The following GALNTL6 variants were observed in gnomAD, a reference collection of about 807,000 sequenced individuals.
GALNTL6 encodes the protein polypeptide N-acetylgalactosaminyltransferase like 6.
Under a neutral mutation model 73.7 loss-of-function variants are expected in GALNTL6, and 46 were observed. The observed-to-expected ratio is 0.62, with a 90% CI of 0.49 to 0.80. GALNTL6 has a LOEUF of 0.80. Among genes scored for constraint, GALNTL6 ranks in the 30% least tolerant of loss-of-function variants. The pLI, the probability that GALNTL6 is intolerant of heterozygous loss-of-function variation, is 0.00. For synonymous variants in GALNTL6, 259 were observed against 263.7 expected (o/e 0.98, Z 0.17); for missense variants, 604 against 755.0 (o/e 0.80, Z 2.34).
At chr4:172,566,788 G>T (rs1008589772) in intron 5 of GALNTL6, among the ~76,000 whole-genome samples, 23 of 151,566 alleles carry the variant, frequency 1.5e-4, no homozygotes, top group South Asian at 4.2e-4. Context: ...AGCTAGACTA[G>T]GAAAAAAAAA....
At chr4:172,790,656 C>G (rs1358986133) in intron 5 of GALNTL6, among the ~76,000 whole-genome samples, 1 of 150,902 alleles carries the variant, frequency 6.6e-6, no homozygotes, top group Non-Finnish European at 1.5e-5. Context: ...CTTTGGGAGG[C>G]CGAGGCAGGC....
chr4:173,008,045 C>A (rs1050890867), intron 10 of GALNTL6, among the ~76,000 whole-genome samples: 4 of 152,230 alleles, frequency 2.6e-5, no homozygotes, highest in Non-Finnish European at 5.9e-5. Context: ...ATAACACTGT[C>A]TTTCCTATTT....
At chr4:172,939,328 C>T (rs1748795539) in intron 9 of GALNTL6, among the ~76,000 whole-genome samples, 1 of 152,062 alleles carries the variant, frequency 6.6e-6, no homozygotes, top group Non-Finnish European at 1.5e-5. Context: ...AAATATAACA[C>T]CCTCTACTTA....
chr4:172,988,036 C>T (rs1751371925), intron 10 of GALNTL6, among the ~76,000 whole-genome samples: 1 of 151,996 alleles, frequency 6.6e-6, no homozygotes, highest in South Asian at 2.1e-4. Flanking sequence ...TATAAAGATA[C>T]CTGAAAATGT....
chr4:172,365,366 AT>A (rs1166805203), intron 5 of GALNTL6, among the ~76,000 whole-genome samples: 1 of 152,010 alleles, frequency 6.6e-6, no homozygotes, highest in Admixed American at 6.6e-5. Context: ...CGGAGATGTC[AT>A]TTGTGGTTCA....
chr4:172,533,339 T>TTTC (rs1735234430), intron 5 of GALNTL6, among the ~76,000 whole-genome samples: 1 of 144,150 alleles, frequency 6.9e-6, no homozygotes, highest in African/African-American at 2.6e-5. Flanking sequence ...TTTTTTTTTT[T>TTTC]TTTGAGATGG....
At chr4:172,406,678 G>C (rs1744248557) in intron 5 of GALNTL6, among the ~76,000 whole-genome samples, 1 of 151,866 alleles carries the variant, frequency 6.6e-6, no homozygotes, top group Non-Finnish European at 1.5e-5. Context: ...ATTTTCTAAT[G>C]GTCAGCCCAC....
In GALNTL6 at chr4:173,040,127, A is replaced by G; in HGVS notation, c.*27A>G. On this transcript the variant is annotated 3_prime_UTR_variant, in exon 13 of 13. Coordinates refer to ENST00000506823, the MANE Select transcript of GALNTL6 (RefSeq NM_001034845.3). ...AAGAAGAAAGGAAGAAAGAGTGATTACCTACAGGTTATAAATTAAATTTTA... is the reference window on the plus strand; with the variant it reads ...AAGAAGAAAGGAAGAAAGAGTGATTGCCTACAGGTTATAAATTAAATTTTA... 6.5e-7 allele frequency: 1 copy of G among 1,547,688 alleles called. No homozygotes were observed. Among genetic ancestry groups the G allele is most frequent in the Non-Finnish European group, 8.8e-7 (1 of 1,132,348 alleles).
At chr4:172,110,339 C>T (rs889885944) in intron 2 of GALNTL6, among the ~76,000 whole-genome samples, 1 of 152,048 alleles carries the variant, frequency 6.6e-6, no homozygotes, top group Non-Finnish European at 1.5e-5. Context: ...TAAAAATTAT[C>T]GGAGGCCATC....
intron 2 of GALNTL6, among the ~76,000 whole-genome samples, chr4:172,027,305 G>A (rs77339627): frequency 1.0e-3 from 157 of 152,228 alleles, no homozygotes; most frequent in Non-Finnish European, 2.1e-3. Context: ...AACAGCATGT[G>A]CCCACTTCAT....
chr4:172,666,046 A>G (rs1381978436), intron 5 of GALNTL6, among the ~76,000 whole-genome samples: 1 of 152,000 alleles, frequency 6.6e-6, no homozygotes, highest in Non-Finnish European at 1.5e-5. Flanking sequence ...TCACATTATG[A>G]TTCTTCAATT....
intron 5 of GALNTL6, among the ~76,000 whole-genome samples, chr4:172,569,804 T>A (rs988441779): frequency 1.3e-5 from 2 of 152,150 alleles, no homozygotes; most frequent in Non-Finnish European, 2.9e-5. Flanking sequence ...ATTGGAGACC[T>A]AAACGTGAAG....
At chr4:171,869,260 G>T (rs1736068370) in intron 2 of GALNTL6, among the ~76,000 whole-genome samples, 1 of 152,078 alleles carries the variant, frequency 6.6e-6, no homozygotes, top group African/African-American at 2.4e-5. Flanking sequence ...AGGAAGGAAA[G>T]AATCATGTCA....
At chr4:172,821,083 C>T (rs528703662) in intron 7 of GALNTL6, among the ~76,000 whole-genome samples, 89 of 152,274 alleles carry the variant, frequency 5.8e-4, no homozygotes, top group South Asian at 4.1e-3. Flanking sequence ...GTATGTAATA[C>T]GAAAACTAAC....
intron 2 of GALNTL6, among the ~76,000 whole-genome samples, chr4:172,197,910 C>A (rs924510790): frequency 6.6e-6 from 1 of 152,122 alleles, no homozygotes; most frequent in Non-Finnish European, 1.5e-5. Flanking sequence ...GAGATCGAGA[C>A]CATCCTGGCT....
chr4:172,849,962 A>T (rs1743726536), intron 7 of GALNTL6, among the ~76,000 whole-genome samples: 1 of 152,188 alleles, frequency 6.6e-6, no homozygotes, highest in Admixed American at 6.6e-5. Flanking sequence ...CTTGCTGGAA[A>T]GGTGCGACCT....
intron 5 of GALNTL6, among the ~76,000 whole-genome samples, chr4:172,702,299 T>C (rs886699189): frequency 4.6e-5 from 7 of 152,104 alleles, no homozygotes; most frequent in Non-Finnish European, 1.0e-4. Flanking sequence ...GGATACTCAA[T>C]ATTTATGCCT....
intron 5 of GALNTL6, among the ~76,000 whole-genome samples, chr4:172,385,527 T>G (rs535825666): frequency 2.0e-5 from 3 of 152,198 alleles, no homozygotes; most frequent in Admixed American, 6.5e-5. Flanking sequence ...TTATAAAATA[T>G]ATATATGTTT....
intron 5 of GALNTL6, among the ~76,000 whole-genome samples, chr4:172,410,840 A>G (rs1021232210): frequency 8.6e-5 from 13 of 152,046 alleles, no homozygotes; most frequent in Admixed American, 5.9e-4. Context: ...TTGTGACACA[A>G]TGATTTTCCC....
Sources: gnomAD v4.1 joint callset for allele counts (sites outside exome capture counted in the v4.1 genomes callset) on GRCh38, gnomAD v4.1.1 for gene constraint, MANE v1.5 for transcripts, NCBI Gene and HGNC (gene_info 2026-07-23, HGNC 2026-07-21) for gene names.